KALRN: variants seen among roughly 807,000 people sequenced by gnomAD.
KALRN encodes the protein kalirin RhoGEF kinase, also known as kalirin.
In KALRN, 70 loss-of-function variants were observed where a neutral mutation model predicts 353.7. The ratio of observed to expected loss-of-function variants is 0.20; its 90% CI spans 0.16 to 0.24. KALRN has a LOEUF of 0.24. Among genes scored for constraint, KALRN ranks in the 10% least tolerant of loss-of-function variants. KALRN has a pLI of 1.00. For missense variants in KALRN, 2,791 were observed against 3,756.7 expected (o/e 0.74, Z 6.72); for synonymous variants, 1,391 against 1,434.8 (o/e 0.97, Z 0.69).
intron 1 of KALRN, among the ~76,000 whole-genome samples, chr3:124,101,899 C>CT (rs2061897732): frequency 6.6e-6 from 1 of 152,120 alleles, no homozygotes; most frequent in African/African-American, 2.4e-5. Flanking sequence ...TTACCCTGTT[C>CT]TTGTTAACTA....
intron 14 of KALRN, among the ~76,000 whole-genome samples, chr3:124,414,142 C>A (rs140359333): frequency 1.1e-3 from 162 of 152,014 alleles, no homozygotes; most frequent in African/African-American, 3.8e-3. Context: ...TGGAATAGTG[C>A]CCAAGGTTGC....
At chr3:124,061,460 C>T (rs548656703) in intron 1 of KALRN, among the ~76,000 whole-genome samples, 2 of 152,302 alleles carry the variant, frequency 1.3e-5, no homozygotes, top group South Asian at 4.2e-4. Context: ...TGCCAGGACA[C>T]CATTCTTTTT....
intron 33 of KALRN, among the ~76,000 whole-genome samples, chr3:124,557,931 C>G (rs182500054): frequency 6.6e-6 from 1 of 152,196 alleles, no homozygotes; most frequent in East Asian, 1.9e-4. Context: ...ATGGAAGCTT[C>G]CTGGAAAGCA....
intron 33 of KALRN, among the ~76,000 whole-genome samples, chr3:124,562,002 C>G (rs1351981093): frequency 6.6e-6 from 1 of 152,170 alleles, no homozygotes; most frequent in Non-Finnish European, 1.5e-5. Context: ...TTGTTCCTGT[C>G]AACCCCTTTT....
chr3:124,479,100 C>T (rs901116166), intron 27 of KALRN, among the ~76,000 whole-genome samples: 6 of 152,248 alleles, frequency 3.9e-5, no homozygotes, highest in Non-Finnish European at 8.8e-5. Context: ...CTGTGAGCTC[C>T]TTGAGATCTT....
chr3:124,371,069 A>C (rs59177962), intron 10 of KALRN, among the ~76,000 whole-genome samples: 1,910 of 152,274 alleles, frequency 0.013, 34 homozygotes, highest in African/African-American at 0.043. Flanking sequence ...CTTCACCATA[A>C]ATTTGATGTT....
intron 13 of KALRN, among the ~76,000 whole-genome samples, chr3:124,406,849 T>TTTTTG (rs2091603971): frequency 1.3e-5 from 2 of 150,506 alleles, no homozygotes; most frequent in African/African-American, 4.9e-5. Context: ...TTTTTTTTTT[T>TTTTTG]GAGACAGGGT....
At chr3:124,665,385 C>A (rs1264301093) in intron 45 of KALRN, among the ~76,000 whole-genome samples, 1 of 152,196 alleles carries the variant, frequency 6.6e-6, no homozygotes, top group Non-Finnish European at 1.5e-5. Context: ...ATAGGTTCTA[C>A]CTCCTCAGCT....
chr3:124,335,046 C>T (rs1233835842), intron 9 of KALRN, among the ~76,000 whole-genome samples: 1 of 152,160 alleles, frequency 6.6e-6, no homozygotes, highest in Non-Finnish European at 1.5e-5. Flanking sequence ...CCGCCCGCCT[C>T]GGCCTCCCAA....
chr3:124,497,391 A>C (rs2063976510), intron 33 of KALRN, among the ~76,000 whole-genome samples: 1 of 152,096 alleles, frequency 6.6e-6, no homozygotes, highest in African/African-American at 2.4e-5. Flanking sequence ...TAGTTTTCTA[A>C]GTTATAGGTA....
chr3:124,388,011 T>G (rs2088670478), intron 11 of KALRN, among the ~76,000 whole-genome samples: 1 of 152,084 alleles, frequency 6.6e-6, no homozygotes, highest in African/African-American at 2.4e-5. Context: ...CATGCACATA[T>G]ATGTATATGT....
At chr3:124,201,787 G>A (rs2075968558) in intron 1 of KALRN, among the ~76,000 whole-genome samples, 1 of 152,180 alleles carries the variant, frequency 6.6e-6, no homozygotes, top group Non-Finnish European at 1.5e-5. Flanking sequence ...TAACTTTTGA[G>A]GACTTATAAA....
chr3:124,701,215 C>T (rs773719998), intron 56 of KALRN, among the ~76,000 whole-genome samples: 7 of 152,134 alleles, frequency 4.6e-5, no homozygotes, highest in Non-Finnish European at 8.8e-5. Context: ...TGTGTGCACG[C>T]GTGCGTGAAT....
intron 1 of KALRN, among the ~76,000 whole-genome samples, chr3:124,124,992 G>T (rs2064474670): frequency 6.6e-6 from 1 of 152,144 alleles, no homozygotes; most frequent in South Asian, 2.1e-4. Context: ...GTGGGAGAGG[G>T]TTTGCGTTTA....
chr3:124,662,631 C>G lies in KALRN; in HGVS notation c.6345+703C>G, dbSNP rs142509815. Among the ~76,000 whole-genome samples the G allele has an allele frequency of 2.1e-4, 32 of 152,254 alleles. No homozygotes were observed. In the East Asian group the frequency reaches 5.4e-3, roughly 26 times the overall value. ...GTTAAAACTCTAAAACATTACAGTA[C>G]AAAGTTCTGTTATTTGAAGAGGGGA... On this transcript the variant is annotated intron_variant, in intron 45 of 59. Coordinates refer to ENST00000682506, the MANE Select transcript of KALRN (RefSeq NM_001388419.1).
chr3:124,707,921 C>T (rs905782609), intron 57 of KALRN, among the ~76,000 whole-genome samples: 9 of 152,242 alleles, frequency 5.9e-5, no homozygotes, highest in Middle Eastern at 3.2e-3. Context: ...GTATGAGGCA[C>T]ATCCAAAGAA....
At chr3:124,270,819 G>GTTTTGTTTTTTTTTTTTTTTTTTTTT (rs2074059720) in intron 5 of KALRN, among the ~76,000 whole-genome samples, 1 of 68,020 alleles carries the variant, frequency 1.5e-5, no homozygotes, top group African/African-American at 5.2e-5. Context: ...TTATTTTTTT[G>GTTTTGTTTTTTTTTTTTTTTTTTTTT]TTTTGTTTTT....
chr3:124,271,308 A>G (rs1210354796), intron 5 of KALRN, among the ~76,000 whole-genome samples: 1 of 152,144 alleles, frequency 6.6e-6, no homozygotes, highest in Non-Finnish European at 1.5e-5. Flanking sequence ...GGGGCACTTC[A>G]TGGTATCCCT....
At chr3:124,210,663 G>A (rs572017604) in intron 1 of KALRN, among the ~76,000 whole-genome samples, 8 of 152,242 alleles carry the variant, frequency 5.3e-5, no homozygotes, top group Non-Finnish European at 1.0e-4. Flanking sequence ...TGAGGTCTTC[G>A]GATTCCTAGT....
Sources: gnomAD v4.1 joint callset for allele counts (sites outside exome capture counted in the v4.1 genomes callset) on GRCh38, gnomAD v4.1.1 for gene constraint, MANE v1.5 for transcripts, NCBI Gene and HGNC (gene_info 2026-07-23, HGNC 2026-07-21) for gene names.